The following KIAA0586 variants were observed in gnomAD, a reference collection of about 807,000 sequenced individuals.
KIAA0586 encodes the protein protein TALPID3.
KIAA0586 carries 144 observed loss-of-function variants against 169.8 expected under a neutral mutation model. The observed-to-expected ratio is 0.85, with a 90% CI of 0.74 to 0.97. The LOEUF (loss-of-function observed/expected upper bound fraction) is 0.97, where lower values mean the gene tolerates loss of function less well. Ranked by LOEUF, KIAA0586 falls within the 50% of genes least tolerant of loss-of-function variation. The probability of loss-of-function intolerance (pLI) is 0.00; values close to 1 mark genes in which losing one functional copy is unlikely to be tolerated. For missense variants in KIAA0586, 1,854 were observed against 1,823.0 expected (o/e 1.02, Z -0.31); for synonymous variants, 625 against 612.4 (o/e 1.02, Z -0.30).
Position 58,428,262 on chromosome 14 carries a change from A to C in KIAA0586, c.-3A>C. ...GTGTGGGACTTGTTTTGTGACCAAC[A>C]ATATGAAAGGCTCTGAGGTCAGCTT... On this transcript the variant is annotated 5_prime_UTR_variant, in exon 1 of 31. Transcript: ENST00000652326. 1 of 1,612,918 alleles carries C rather than the reference A, an allele frequency of 6.2e-7. No homozygotes were observed. Among genetic ancestry groups the C allele is most frequent in the Non-Finnish European group, 8.5e-7 (1 of 1,179,436 alleles).
chr14:58,526,036 C>G (rs527362696), intron 29 of KIAA0586, among the ~76,000 whole-genome samples: 1 of 152,342 alleles, frequency 6.6e-6, no homozygotes, highest in South Asian at 2.1e-4. Context: ...CAGGGCATCT[C>G]TGAAAGAAAG....
At chr14:58,434,997 C>T (rs1037297666) in intron 4 of KIAA0586, among the ~76,000 whole-genome samples, 3 of 152,082 alleles carry the variant, frequency 2.0e-5, no homozygotes, top group Non-Finnish European at 4.4e-5. Context: ...CTATATTGCC[C>T]AGGCTGGTCT....
intron 29 of KIAA0586, among the ~76,000 whole-genome samples, chr14:58,523,733 A>G (rs1021750110): frequency 6.6e-6 from 1 of 150,404 alleles, no homozygotes; most frequent in Non-Finnish European, 1.5e-5. Context: ...TATTATTATT[A>G]TTATTATTAT....
chr14:58,482,476 T>C, intron 20 of KIAA0586, 37 bp from the exon 21 acceptor site: 3 of 1,357,930 alleles, frequency 2.2e-6, no homozygotes, highest in Non-Finnish European at 2.9e-6. Context: ...AGCATGTTTC[T>C]TGCCCACTTA....
intron 4 of KIAA0586, among the ~76,000 whole-genome samples, chr14:58,432,930 G>A (rs1172529938): frequency 1.3e-5 from 2 of 152,062 alleles, no homozygotes; most frequent in Non-Finnish European, 2.9e-5. Context: ...TGGCCAGGCT[G>A]GTCTTGAACT....
At chr14:58,465,192 G>A (rs1318009386) in intron 14 of KIAA0586, among the ~76,000 whole-genome samples, 5 of 152,192 alleles carry the variant, frequency 3.3e-5, no homozygotes, top group Non-Finnish European at 7.3e-5. Flanking sequence ...CCACAGATAA[G>A]GAGAGACTAC....
chr14:58,528,041 G>A (rs1442305346), intron 29 of KIAA0586, among the ~76,000 whole-genome samples: 1 of 152,046 alleles, frequency 6.6e-6, no homozygotes, highest in Non-Finnish European at 1.5e-5. Flanking sequence ...AGCAAAAAAA[G>A]CATGGGATGC....
At chr14:58,544,193 A>G (rs768719460) in intron 30 of KIAA0586, among the ~76,000 whole-genome samples, 10 of 152,156 alleles carry the variant, frequency 6.6e-5, no homozygotes, top group Non-Finnish European at 1.3e-4. Context: ...TGCAAAAGAC[A>G]TGATCTTGTT....
At chr14:58,487,263 C>A in intron 22 of KIAA0586, 97 bp downstream of exon 22, 2 of 1,030,820 alleles carry the variant, frequency 1.9e-6, no homozygotes, top group Non-Finnish European at 2.8e-6. Context: ...TTTAGTAAAT[C>A]ATTTTTTCTC....
In KIAA0586 at chr14:58,474,595, T is replaced by C; in HGVS notation, c.2635-12T>C. ...TACATGAATATAATAGTTTTGTTTTTGTTACTACCAGGAAGAAGAAAAATG... is the reference window on the plus strand; with the variant it reads ...TACATGAATATAATAGTTTTGTTTTCGTTACTACCAGGAAGAAGAAAAATG... On this transcript the variant is annotated splice_polypyrimidine_tract_variant and intron_variant, in intron 18 of 30. Transcript: ENST00000652326. The C allele has an allele frequency of 6.4e-7, 1 of 1,551,034 alleles. No homozygotes were observed. The highest frequency in any genetic ancestry group is 8.7e-7 in the Non-Finnish European group (1 of 1,152,158).
downstream of KIAA0586, among the ~76,000 whole-genome samples, chr14:58,552,630 C>T (rs761208717): frequency 2.0e-5 from 3 of 152,210 alleles, no homozygotes; most frequent in Non-Finnish European, 4.4e-5. Flanking sequence ...GTTCAGTACG[C>T]TCCTACCATC....
chr14:58,434,757 T>G (rs755583558), intron 4 of KIAA0586, among the ~76,000 whole-genome samples: 30 of 152,164 alleles, frequency 2.0e-4, no homozygotes, highest in Non-Finnish European at 4.1e-4. Context: ...CACTTCTTTA[T>G]TTTTGTTTTA....
chr14:58,446,287 G>C (rs547708001), intron 6 of KIAA0586, among the ~76,000 whole-genome samples: 1 of 151,980 alleles, frequency 6.6e-6, no homozygotes, highest in East Asian at 2.0e-4. Flanking sequence ...CTTGAGGTCA[G>C]GAGTTCAAGA....
the KIAA0586 span, among the ~76,000 whole-genome samples, chr14:58,558,166 C>T: frequency 2.0e-5 from 3 of 152,004 alleles, no homozygotes; most frequent in Admixed American, 2.0e-4. Context: ...CCGCCTTGGC[C>T]TCCCAAAGTG....
chr14:58,509,724 A>T (rs1396051305), intron 28 of KIAA0586, among the ~76,000 whole-genome samples: 5 of 152,220 alleles, frequency 3.3e-5, no homozygotes, highest in Non-Finnish European at 5.9e-5. Flanking sequence ...ATAATGAAAA[A>T]GTATCTGTTA....
downstream of KIAA0586, among the ~76,000 whole-genome samples, chr14:58,554,902 A>G (rs1422099888): frequency 1.3e-5 from 2 of 151,962 alleles, no homozygotes; most frequent in Non-Finnish European, 2.9e-5. Context: ...CAGCACCTCC[A>G]TTTGTTCTTT....
At position 58,457,772 on chromosome 14, in the gene KIAA0586, T is replaced by G; in HGVS notation, c.1376T>G (p.Leu459Arg). Residue 459 changes from leucine to arginine, a missense_variant, in exon 11 of 31, where the codon CTG becomes CGG. Physicochemically the swap from Leu to Arg is moderately radical, Grantham distance 102. Coordinates refer to ENST00000652326, the MANE Select transcript of KIAA0586 (RefSeq NM_001329943.3). ...TTTTCTTTTAAGCCAAAAGAATCTC[T>G]GAGTATGTTGAAGCTTCCAGATCTT... ...TNSMVQPKES[L>R]SMLKLPDLPQ... 6.3e-7 allele frequency: 1 copy of G among 1,590,650 alleles called. No homozygotes were observed. The highest frequency in any genetic ancestry group is 8.5e-7 in the Non-Finnish European group (1 of 1,169,802).
intron 9 of KIAA0586, among the ~76,000 whole-genome samples, chr14:58,454,825 G>C (rs2140788641): frequency 6.6e-6 from 1 of 152,130 alleles, no homozygotes; most frequent in Non-Finnish European, 1.5e-5. Flanking sequence ...ACACACCCCT[G>C]GTGTCCCCTC....
At chr14:58,460,795 TA>T (rs1251491565) in intron 13 of KIAA0586, among the ~76,000 whole-genome samples, 190 bp from the exon 14 acceptor site, 1 of 152,200 alleles carries the variant, frequency 6.6e-6, no homozygotes, top group African/African-American at 2.4e-5. Context: ...GGATGATTTT[TA>T]TATTTAAAGC....
Sources: gnomAD v4.1 joint callset for allele counts (sites outside exome capture counted in the v4.1 genomes callset) on GRCh38, gnomAD v4.1.1 for gene constraint, MANE v1.5 for transcripts, NCBI Gene and HGNC (gene_info 2026-07-23, HGNC 2026-07-21) for gene names.